The following ZFHX3 variants were observed in gnomAD, a reference collection of about 807,000 sequenced individuals.
ZFHX3 encodes the protein zinc finger homeobox protein 3.
A neutral mutation model predicts 279.1 loss-of-function variants in ZFHX3; 42 were observed. That is an observed-to-expected ratio of 0.15 (90% CI 0.12 to 0.19). The LOEUF (loss-of-function observed/expected upper bound fraction) is 0.19. Among genes scored for constraint, ZFHX3 ranks in the 10% least tolerant of loss-of-function variants. The pLI, the probability that ZFHX3 is intolerant of heterozygous loss-of-function variation, is 1.00. For missense variants in ZFHX3, 4,981 were observed against 4,754.0 expected (o/e 1.05, Z -1.40); for synonymous variants, 2,293 against 1,957.8 (o/e 1.17, Z -4.52).
chr16:73,704,002 A>T (rs1168054902), intron 1 of ZFHX3, among the ~76,000 whole-genome samples: 1 of 152,200 alleles, frequency 6.6e-6, no homozygotes, highest in Non-Finnish European at 1.5e-5. Context: ...TTAACATCAG[A>T]TTGCAAAGTG....
At chr16:73,710,928 C>T (rs1267380373) in intron 1 of ZFHX3, among the ~76,000 whole-genome samples, 1 of 152,192 alleles carries the variant, frequency 6.6e-6, no homozygotes, top group Non-Finnish European at 1.5e-5. Context: ...TATTAACAGT[C>T]ACTTCCACAG....
rs71391468 is a variant in ZFHX3 at position 72,933,813 on chromosome 16, C to CTTTTTTTTTTTTTTTTTTTT, written c.3216+16636_3216+16655dup. On this transcript the variant is annotated intron_variant, in intron 3 of 9. Transcript: ENST00000268489. Reference sequence around the variant, plus strand: ...TATGAAATGTTTAGCTCACAACTTTCTTTTTTTTTTTTTTTTTTTTTTTGA... The same window carrying CTTTTTTTTTTTTTTTTTTTT: ...TATGAAATGTTTAGCTCACAACTTTCTTTTTTTTTTTTTTTTTTTTTTTTTTTTTTTTTTTTTTTTTTTGA... Among the ~76,000 whole-genome samples the CTTTTTTTTTTTTTTTTTTTT allele has an allele frequency of 3.8e-4, 43 of 112,462 alleles. 2 individuals are homozygous for CTTTTTTTTTTTTTTTTTTTT. Among genetic ancestry groups the CTTTTTTTTTTTTTTTTTTTT allele is most frequent in the Non-Finnish European group, 4.3e-4 (22 of 50,702 alleles). The allele number at this position is 112,462 out of a possible 152,430, so 73.8% of individuals were successfully genotyped here.
intron 4 of ZFHX3, among the ~76,000 whole-genome samples, chr16:72,843,436 G>A (rs56177707): frequency 0.044 from 6,512 of 149,214 alleles, 190 homozygotes; most frequent in Non-Finnish European, 0.063. Context: ...GCGTGAACCC[G>A]GGAGACGGAG....
At chr16:73,408,214 T>C (rs1321317206) in intron 3 of ZFHX3, among the ~76,000 whole-genome samples, 2 of 150,786 alleles carry the variant, frequency 1.3e-5, no homozygotes, top group Admixed American at 1.3e-4. Context: ...GATATCAGAG[T>C]GGACACAGGA....
chr16:73,334,838 C>CTTTTTTAAA (rs2015881626), intron 3 of ZFHX3, among the ~76,000 whole-genome samples: 1 of 10,214 alleles, frequency 9.8e-5, no homozygotes, highest in African/African-American at 3.6e-4. Context: ...TTTTTTTTTG[C>CTTTTTTAAA]AAAATGAATG....
rs1567515010 is a variant in ZFHX3 at position 72,795,069 on chromosome 16, G to A, written c.7613C>T (p.Ala2538Val). 6.2e-7 allele frequency: 1 copy of A among 1,614,190 alleles called. No homozygotes were observed. The highest frequency in any genetic ancestry group is 8.5e-7 in the Non-Finnish European group (1 of 1,180,034). The change falls in exon 9 of 10, where the codon GCA (alanine) becomes GTA (valine). Residue 2538 changes from alanine (A) to valine (V), a missense_variant. Around this residue, in one of 7 missense-constraint regions of ZFHX3, gnomAD observed 744 missense variants for 701.3 expected, o/e 1.06. Coordinates refer to ENST00000268489, the MANE Select transcript of ZFHX3 (RefSeq NM_006885.4). ...CTGCCAGTGCTCAAATGACGGAAAT[G>A]CCAACTTACACTGGTCACACTGGTA... ...IPYQCDQCKL[A>V]FPSFEHWQEH...
At chr16:73,237,480 T>C (rs1250696096) in intron 5 of ZFHX3, among the ~76,000 whole-genome samples, 2 of 149,846 alleles carry the variant, frequency 1.3e-5, no homozygotes, top group Non-Finnish European at 3.0e-5. Context: ...CTCAAGCAAA[T>C]CCTCCTCCAA....
At chr16:72,917,869 A>G (rs536286619) in intron 3 of ZFHX3, among the ~76,000 whole-genome samples, 1 of 152,332 alleles carries the variant, frequency 6.6e-6, no homozygotes, top group Admixed American at 6.5e-5. Context: ...GGAAATATAT[A>G]TGTGTGTATA....
intron 5 of ZFHX3, among the ~76,000 whole-genome samples, chr16:73,228,990 C>T (rs1238191327): frequency 6.6e-6 from 1 of 152,092 alleles, no homozygotes; most frequent in South Asian, 2.1e-4. Context: ...TGGACTTTAC[C>T]TCAATATACT....
At chr16:73,879,513 G>A (rs927630241) in intron 1 of ZFHX3, among the ~76,000 whole-genome samples, 1 of 151,998 alleles carries the variant, frequency 6.6e-6, no homozygotes, top group African/African-American at 2.4e-5. Context: ...TTTAAAATGA[G>A]AAATGGGAAG....
intron 1 of ZFHX3, among the ~76,000 whole-genome samples, chr16:73,860,140 C>G (rs1208482351): frequency 6.6e-6 from 1 of 152,158 alleles, no homozygotes; most frequent in African/African-American, 2.4e-5. Context: ...TCCTGACGTG[C>G]CCCTCCTCCA....
intron 3 of ZFHX3, among the ~76,000 whole-genome samples, chr16:73,347,629 T>TTTTA (rs2016147077): frequency 6.6e-6 from 1 of 152,082 alleles, no homozygotes; most frequent in Non-Finnish European, 1.5e-5. Flanking sequence ...GCATGACTGC[T>TTTTA]ATGGTAACAC....
intron 1 of ZFHX3, among the ~76,000 whole-genome samples, chr16:72,989,080 A>C (rs1476410978): frequency 6.6e-6 from 1 of 152,076 alleles, no homozygotes; most frequent in Non-Finnish European, 1.5e-5. Context: ...AGGCCAAGGC[A>C]AGAGGATCAC....
At position 73,139,053 on chromosome 16, in the gene ZFHX3, G is replaced by T. The variant is rs76225175; in HGVS notation, c.-1024+4699C>A. Reference sequence around the variant, plus strand: ...AATCCCTTTCAACATTTGGTTGAAGGGGACAGCATCTCCAGCAATTCCGCC... The same window carrying T: ...AATCCCTTTCAACATTTGGTTGAAGTGGACAGCATCTCCAGCAATTCCGCC... On this transcript the variant is annotated intron_variant, in intron 6 of 17. Coordinates refer to the ZFHX3 transcript ENST00000641206. 9.5e-3 allele frequency among the ~76,000 whole-genome samples: 1,450 copies of T among 152,220 alleles called. 29 individuals are homozygous for T. The highest frequency in any genetic ancestry group is 0.033 in the African/African-American group (1,376 of 41,532).
chr16:73,320,568 G>T (rs1457537765), intron 3 of ZFHX3, among the ~76,000 whole-genome samples: 1 of 152,124 alleles, frequency 6.6e-6, no homozygotes, highest in Non-Finnish European at 1.5e-5. Flanking sequence ...TGTCGAAAGG[G>T]TGGTGATATT....
intron 5 of ZFHX3, among the ~76,000 whole-genome samples, chr16:73,174,188 T>C (rs1967606462): frequency 1.3e-5 from 2 of 152,042 alleles, no homozygotes; most frequent in South Asian, 4.2e-4. Context: ...ACCTTCCTGG[T>C]CACAGGAGGA....
chr16:73,481,627 GTTGTTTGTTTGTTTGTTTGTTT>G (rs1252174919), intron 2 of ZFHX3, among the ~76,000 whole-genome samples: 5 of 148,116 alleles, frequency 3.4e-5, no homozygotes, highest in African/African-American at 7.7e-5. Context: ...TTTTTTTGTT[GTTGTTTGTTTGTTTGTTTGTTT>G]TTGTTTGTTT....
chr16:73,136,534 G>A (rs989391861), intron 6 of ZFHX3, among the ~76,000 whole-genome samples: 1 of 151,794 alleles, frequency 6.6e-6, no homozygotes, highest in Admixed American at 6.6e-5. Flanking sequence ...GACCAGCCTG[G>A]CAAACATGGT....
intron 1 of ZFHX3, among the ~76,000 whole-genome samples, chr16:73,759,715 G>A (rs564748294): frequency 6.6e-6 from 1 of 152,208 alleles, no homozygotes; most frequent in African/African-American, 2.4e-5. Flanking sequence ...CCCTTAAACT[G>A]GAGGATACTT....
Sources: gnomAD v4.1 joint callset for allele counts (sites outside exome capture counted in the v4.1 genomes callset) on GRCh38, gnomAD v4.1.1 for gene constraint, gnomAD v4.1.1 regional missense constraint, MANE v1.5 for transcripts, NCBI Gene and HGNC (gene_info 2026-07-23, HGNC 2026-07-21) for gene names.